CSMD1: variants seen among roughly 807,000 people sequenced by gnomAD.
CSMD1 encodes the protein CUB and Sushi multiple domains 1.
CSMD1 carries 213 observed loss-of-function variants against 417.5 expected under a neutral mutation model. The ratio of observed to expected loss-of-function variants is 0.51; its 90% CI spans 0.46 to 0.57. The LOEUF is 0.57. CSMD1 is among the 20% of genes least tolerant of loss of function. The pLI is 0.00. For missense variants in CSMD1, 6,923 were observed against 4,529.7 expected, an observed-to-expected ratio of 1.53 and a Z score of -15.17; for synonymous variants, 2,862 against 1,736.8, an observed-to-expected ratio of 1.65 and a Z score of -16.11.
At chr8:3,455,579 C>T (rs557356983) in intron 12 of CSMD1, among the ~76,000 whole-genome samples, 1 of 152,330 alleles carries the variant, frequency 6.6e-6, no homozygotes, top group Admixed American at 6.5e-5. Context: ...GAGGTCCACT[C>T]CAGACCTTGT....
At chr8:3,157,770 T>G in intron 39 of CSMD1, 127 bp downstream of exon 39, 1 of 727,100 alleles carries the variant, frequency 1.4e-6, no homozygotes, top group Non-Finnish European at 2.4e-6. Context: ...CATTATGTGC[T>G]ATTAGTATAT....
intron 26 of CSMD1, among the ~76,000 whole-genome samples, chr8:3,244,903 C>A (rs1290109970): frequency 2.0e-5 from 3 of 152,202 alleles, no homozygotes; most frequent in Non-Finnish European, 4.4e-5. Context: ...TCCTCCACCC[C>A]AAGGGCGCTG....
At chr8:4,619,267 C>A (rs191282517) in intron 2 of CSMD1, among the ~76,000 whole-genome samples, 2 of 152,070 alleles carry the variant, frequency 1.3e-5, no homozygotes, top group African/African-American at 4.8e-5. Context: ...TGTTTAAATG[C>A]TGTTAAATAA....
chr8:4,536,090 TAA>T (rs775792360), intron 2 of CSMD1, among the ~76,000 whole-genome samples: 6 of 152,224 alleles, frequency 3.9e-5, no homozygotes, highest in Non-Finnish European at 8.8e-5. Flanking sequence ...ACTAAGTCAG[TAA>T]ATCTGATTAC....
intron 5 of CSMD1, among the ~76,000 whole-genome samples, chr8:3,814,157 C>G (rs1006038782): frequency 6.6e-6 from 1 of 152,124 alleles, no homozygotes; most frequent in African/African-American, 2.4e-5. Context: ...TTCTGGTACC[C>G]CCAGCGTGGA....
chr8:3,859,500 T>C (rs866149677), intron 5 of CSMD1, among the ~76,000 whole-genome samples: 22 of 152,184 alleles, frequency 1.4e-4, no homozygotes, highest in South Asian at 6.2e-4. Context: ...TACTTATATC[T>C]TCGTTTACAG....
chr8:4,409,394 C>G (rs1379951173), intron 3 of CSMD1, among the ~76,000 whole-genome samples: 1 of 152,140 alleles, frequency 6.6e-6, no homozygotes, highest in Non-Finnish European at 1.5e-5. Context: ...TTTACCCTTT[C>G]TCAGTGATTT....
intron 3 of CSMD1, among the ~76,000 whole-genome samples, chr8:4,326,532 G>A (rs1245926276): frequency 4.6e-5 from 7 of 152,308 alleles, no homozygotes; most frequent in African/African-American, 1.4e-4. Flanking sequence ...TGCATAATGA[G>A]TAATCAAAGG....
chr8:3,602,534 A>C (rs1297018090), intron 8 of CSMD1, among the ~76,000 whole-genome samples: 1 of 152,166 alleles, frequency 6.6e-6, no homozygotes, highest in African/African-American at 2.4e-5. Context: ...ATGATCTCAC[A>C]GGCTTCTTTT....
chr8:3,492,162 C>T (rs114309835), intron 11 of CSMD1, among the ~76,000 whole-genome samples: 2,805 of 152,172 alleles, frequency 0.018, 102 homozygotes, highest in African/African-American at 0.063. Flanking sequence ...AACGGGTGGG[C>T]GTGGGTTTCA....
intron 5 of CSMD1, among the ~76,000 whole-genome samples, chr8:3,989,883 C>G (rs1487761300): frequency 6.6e-6 from 1 of 152,168 alleles, no homozygotes; most frequent in Non-Finnish European, 1.5e-5. Context: ...ACCTTATTCT[C>G]CTAACCAGTC....
intron 2 of CSMD1, among the ~76,000 whole-genome samples, chr8:4,559,183 G>A (rs940568438): frequency 2.0e-5 from 3 of 152,082 alleles, no homozygotes; most frequent in Non-Finnish European, 2.9e-5. Context: ...CAACTTATGA[G>A]CATATGCTGG....
At chr8:4,948,239 G>C (rs542022236) in intron 1 of CSMD1, among the ~76,000 whole-genome samples, 5 of 152,014 alleles carry the variant, frequency 3.3e-5, no homozygotes, top group African/African-American at 1.2e-4. Flanking sequence ...ATAGTATCAA[G>C]GTTTTAATTT....
intron 5 of CSMD1, among the ~76,000 whole-genome samples, chr8:3,916,136 G>GA (rs933600304): frequency 4.6e-5 from 7 of 151,408 alleles, no homozygotes; most frequent in East Asian, 1.9e-4. Context: ...AAATTTCAGT[G>GA]AAAAAAAATG....
intron 18 of CSMD1, among the ~76,000 whole-genome samples, chr8:3,380,315 G>A (rs960169784): frequency 1.3e-5 from 2 of 152,180 alleles, no homozygotes; most frequent in African/African-American, 4.8e-5. Context: ...TTCAACCATT[G>A]TGGAAGACAG....
At chr8:3,957,937 A>G (rs1812077022) in intron 5 of CSMD1, among the ~76,000 whole-genome samples, 2 of 152,134 alleles carry the variant, frequency 1.3e-5, no homozygotes, top group African/African-American at 2.4e-5. Flanking sequence ...CAGGGCAGCA[A>G]ATCCTGCAGG....
chr8:3,182,252 G>T (rs1181427287), intron 36 of CSMD1, among the ~76,000 whole-genome samples: 2 of 152,096 alleles, frequency 1.3e-5, no homozygotes, highest in African/African-American at 2.4e-5. Flanking sequence ...TCCCCCAACA[G>T]ATTTTATTTT....
intron 2 of CSMD1, among the ~76,000 whole-genome samples, chr8:4,538,778 A>G (rs1186271408): frequency 6.6e-6 from 1 of 152,212 alleles, no homozygotes; most frequent in Non-Finnish European, 1.5e-5. Context: ...GTGTTTACCC[A>G]TTTTACAGAT....
chr8:4,419,228 G>A (rs972092110), intron 3 of CSMD1, among the ~76,000 whole-genome samples: 7 of 152,138 alleles, frequency 4.6e-5, no homozygotes, highest in Admixed American at 1.3e-4. Flanking sequence ...ACAGACAGTA[G>A]CTCTTGTATT....
Sources: gnomAD v4.1 joint callset for allele counts (sites outside exome capture counted in the v4.1 genomes callset) on GRCh38, gnomAD v4.1.1 for gene constraint, MANE v1.5 for transcripts, NCBI Gene and HGNC (gene_info 2026-07-23, HGNC 2026-07-21) for gene names.